POTEM: variants seen among roughly 807,000 people sequenced by gnomAD.
POTEM encodes the protein putative POTE ankyrin domain family member M.
For synonymous variants in POTEM, 8 were observed against 113.2 expected, an observed-to-expected ratio of 0.07 and a Z score of 5.90; for missense variants, 24 against 343.0, an observed-to-expected ratio of 0.07 and a Z score of 7.35.
rs1294187401 is a variant in POTEM at position 18,967,712 on chromosome 14, G to T, written c.227G>T (p.Gly76Val). 6.2e-7 allele frequency: 1 copy of T among 1,610,994 alleles called. No homozygotes were observed. Among genetic ancestry groups the T allele is most frequent in the African/African-American group, 1.4e-5 (1 of 73,986 alleles). The change falls in exon 1 of 11, where the codon GGC (glycine) becomes GTC (valine). Residue 76 changes from glycine (G) to valine (V), a missense_variant. Gly to Val is a moderately radical substitution (Grantham distance 109, BLOSUM62 -3). Transcript: ENST00000547889. ...RHCFPWCRGS[G>V]KSNVGTSGDH... Reference sequence around the variant, plus strand: ...TGCTTCCCCTGGTGCAGGGGGAGCGGCAAGAGCAACGTGGGCACTTCTGGA... The same window carrying T: ...TGCTTCCCCTGGTGCAGGGGGAGCGTCAAGAGCAACGTGGGCACTTCTGGA...
rs1891340962 is a variant in POTEM at position 18,999,363 on chromosome 14, T to C, written c.*698T>C. The stretch of plus-strand genomic sequence containing the variant: ...CGGGGTCACCCACACTGTGCCCATC[T>C]ATGAGGGGAATGCCCTCCCCCATGC... On this transcript the variant is annotated 3_prime_UTR_variant, in exon 11 of 11. Transcript: ENST00000547889. 7.5e-6 allele frequency among the ~76,000 whole-genome samples: 1 copy of C among 134,002 alleles called. No individual in the cohort carries two copies. The highest frequency in any genetic ancestry group is 1.6e-5 in the Non-Finnish European group (1 of 61,012). The allele number at this position is 134,002 out of a possible 152,430, so 87.9% of individuals were successfully genotyped here.
In POTEM at chr14:19,003,453, T is replaced by TA. The variant is rs1891426729; in HGVS notation, c.*4794dup. Reference sequence around the variant, plus strand: ...ACAAAACAGACTATGCGAATAAAGATAAAAAAGAGAAGGACATTACAAAGG... The same window carrying TA: ...ACAAAACAGACTATGCGAATAAAGATAAAAAAAGAGAAGGACATTACAAAGG... On this transcript the variant is annotated 3_prime_UTR_variant, in exon 11 of 11. Coordinates refer to ENST00000547889, the MANE Select transcript of POTEM (RefSeq NM_001145442.1). Among the ~76,000 whole-genome samples, 1 of 125,268 alleles carries TA rather than the reference T, an allele frequency of 8.0e-6. No homozygotes were observed. The highest frequency in any genetic ancestry group is 2.9e-5 in the African/African-American group (1 of 33,982). The allele number at this position is 125,268 out of a possible 152,430, so 82.2% of individuals were successfully genotyped here. A position where few individuals can be genotyped will look rare whatever the true frequency, so the allele number is the denominator to read the frequency against.
chr14:18,992,576 ACTT>A (rs1891259147), intron 9 of POTEM: 1 of 91,232 alleles, frequency 1.1e-5, no homozygotes, highest in Admixed American at 1.4e-4. Context: ...CCATATCCTT[ACTT>A]CTTAGAAAAA....
chr14:18,975,191 G>C (rs1374702607), intron 3 of POTEM, among the ~76,000 whole-genome samples: 1 of 88,716 alleles, frequency 1.1e-5, no homozygotes, highest in Admixed American at 1.1e-4. Context: ...TTTGCTGTGA[G>C]CAGTCTTTCA....
intron 1 of POTEM, among the ~76,000 whole-genome samples, 195 bp downstream of exon 1, chr14:18,968,201 C>G (rs1436310866): frequency 3.5e-3 from 522 of 149,952 alleles, no homozygotes; most frequent in African/African-American, 0.013. Context: ...TAGCTGATTT[C>G]CAATCAAATT....
rs1247191904 is a variant in POTEM at position 18,993,022 on chromosome 14, G to T, written c.1410-4019G>T. On this transcript the variant is annotated intron_variant, in intron 9 of 10. Transcript: ENST00000547889. ...AGTGATTCTCCTGCCTCAGCCACCT[G>T]AGGAGATGGGATTACAGGCGCGTGC... 1.8e-4 allele frequency among the ~76,000 whole-genome samples: 12 copies of T among 68,358 alleles called. 5 individuals are homozygous for T. Among genetic ancestry groups the T allele is most frequent in the Non-Finnish European group, 3.5e-4 (12 of 34,264 alleles). The allele number at this position is 68,358 out of a possible 152,430, so 44.8% of individuals were successfully genotyped here.
intron 1 of POTEM, among the ~76,000 whole-genome samples, chr14:18,968,367 ACAT>A (rs1244497746): frequency 6.6e-6 from 1 of 152,304 alleles, no homozygotes; most frequent in African/African-American, 2.4e-5. Flanking sequence ...GCCCCATAAC[ACAT>A]CAACTTCAGG....
At chr14:18,984,546 A>G (rs1891141579) in intron 6 of POTEM, among the ~76,000 whole-genome samples, 1 of 112,886 alleles carries the variant, frequency 8.9e-6, no homozygotes, top group South Asian at 3.0e-4. Flanking sequence ...CTTAGCGGGT[A>G]AAGATGCCGT....
chr14:18,986,388 G>A (rs1253631154), intron 7 of POTEM, among the ~76,000 whole-genome samples: 3 of 138,042 alleles, frequency 2.2e-5, no homozygotes, highest in Non-Finnish European at 4.6e-5. Context: ...TTCTGTTCAG[G>A]GAGGGAACCA....
chr14:18,969,386 ATTTC>A (rs1890858410), intron 1 of POTEM, among the ~76,000 whole-genome samples: 1 of 120,864 alleles, frequency 8.3e-6, no homozygotes, highest in East Asian at 2.5e-4. Flanking sequence ...TATACACAAA[ATTTC>A]TTTTTTTTTT....
At chr14:18,984,148 C>CAT (rs1310298233) in intron 6 of POTEM, among the ~76,000 whole-genome samples, 1 of 15,324 alleles carries the variant, frequency 6.5e-5, no homozygotes, top group Non-Finnish European at 1.4e-4. Flanking sequence ...AGCCCTTTTC[C>CAT]CTGTGTGCCC....
rs1891057706 is a variant in POTEM, at chr14:18,980,651, TAA to T, written c.1126+508_1126+509del. 2 of 96,426 alleles carry T rather than the reference TAA, an allele frequency of 2.1e-5. 1 individual carries two copies. Among genetic ancestry groups the T allele is most frequent in the Non-Finnish European group, 4.2e-5 (2 of 47,920 alleles). The allele number at this position is 96,426 out of a possible 1,614,324, so 6.0% of individuals were successfully genotyped here. ...ACCTCCTCCTGTGTGGTGTGGTTCA[TAA>T]TAGTCCGTGGACTGGTATGAGTCTG... On this transcript the variant is annotated intron_variant, in intron 6 of 10. Coordinates refer to ENST00000547889, the MANE Select transcript of POTEM (RefSeq NM_001145442.1).
intron 7 of POTEM, among the ~76,000 whole-genome samples, chr14:18,985,910 A>C (rs1891171346): frequency 7.9e-6 from 1 of 127,258 alleles, no homozygotes; most frequent in Non-Finnish European, 1.6e-5. Context: ...TGTCAAAAAA[A>C]AAAAAAAAAA....
chr14:18,974,647 CTT>C (rs1360836230), intron 3 of POTEM: 2 of 191,386 alleles, frequency 1.0e-5, no homozygotes, highest in African/African-American at 5.7e-5. Flanking sequence ...TATATAAATT[CTT>C]ATATCTCAGA....
At position 18,999,577 on chromosome 14, in the gene POTEM, A is replaced by G. The variant is rs2138971836; in HGVS notation, c.*912A>G. Among the ~76,000 whole-genome samples, 1 of 87,798 alleles carries G rather than the reference A, an allele frequency of 1.1e-5. No individual in the cohort carries two copies. The highest frequency in any genetic ancestry group is 3.9e-5 in the African/African-American group (1 of 25,434). 57.6% of individuals were successfully genotyped at this position (87,798 alleles called of 152,430 possible). A position where few individuals can be genotyped will look rare whatever the true frequency, so the allele number is the denominator to read the frequency against. On this transcript the variant is annotated 3_prime_UTR_variant, in exon 11 of 11. Transcript: ENST00000547889. ...ACAGCGGCCTCCAGCTCCTCCCTAG[A>G]GAACAGCTATGAGCTGCCCAACGGC...
chr14:18,968,648 GTCTCTACTAAAAAA>G (rs1161924669), intron 1 of POTEM, among the ~76,000 whole-genome samples: 2 of 145,670 alleles, frequency 1.4e-5, no homozygotes, highest in East Asian at 4.1e-4. Flanking sequence ...GTGAAACCCC[GTCTCTACTAAAAAA>G]TATAAAAAAA....
chr14:18,968,515 A>T (rs1414991952), intron 1 of POTEM, among the ~76,000 whole-genome samples: 1 of 151,556 alleles, frequency 6.6e-6, no homozygotes, highest in African/African-American at 2.4e-5. Flanking sequence ...GGAAGATTGA[A>T]TTTTCTGAAG....
chr14:18,980,932 C>A (rs1223523871), intron 6 of POTEM, among the ~76,000 whole-genome samples: 5 of 148,564 alleles, frequency 3.4e-5, no homozygotes, highest in East Asian at 1.9e-4. Flanking sequence ...TTTGTTAGAA[C>A]AAGATGCTCT....
chr14:18,968,822 C>CAAAA (rs71222663), intron 1 of POTEM, among the ~76,000 whole-genome samples: 47 of 145,616 alleles, frequency 3.2e-4, no homozygotes, highest in South Asian at 1.5e-3. Flanking sequence ...GACTCCGTCT[C>CAAAA]AAAAAAAAAA....
Sources: gnomAD v4.1 joint callset for allele counts (sites outside exome capture counted in the v4.1 genomes callset) on GRCh38, gnomAD v4.1.1 for gene constraint, MANE v1.5 for transcripts, NCBI Gene and HGNC (gene_info 2026-07-23, HGNC 2026-07-21) for gene names.